Variants in UST observed in about 807,000 individuals in gnomAD.
UST encodes chondroitin sulfate 2-O-sulfotransferase.
Under a neutral mutation model 45.6 loss-of-function variants are expected in UST, and 21 were observed. That is an observed-to-expected ratio of 0.46 (90% CI 0.33 to 0.66). UST has a LOEUF of 0.66. UST is among the 30% of genes least tolerant of loss of function. The pLI is 0.02. For missense variants in UST, 463 were observed against 512.4 expected (o/e 0.90, Z 0.93); for synonymous variants, 215 against 200.6 (o/e 1.07, Z -0.61).
chr6:148,886,172 G>GA (rs1259584002), intron 1 of UST, among the ~76,000 whole-genome samples: 1 of 152,166 alleles, frequency 6.6e-6, no homozygotes. Context: ...ACATGCTCTG[G>GA]AAAAACCAGT....
At chr6:149,055,873 T>G (rs1261944235) in intron 7 of UST, among the ~76,000 whole-genome samples, 1 of 152,196 alleles carries the variant, frequency 6.6e-6, no homozygotes, top group Non-Finnish European at 1.5e-5. Flanking sequence ...CTCACAGCCA[T>G]TGGCCATGAA....
intron 7 of UST, among the ~76,000 whole-genome samples, chr6:149,049,847 C>G (rs1410613745): frequency 6.6e-6 from 1 of 151,540 alleles, no homozygotes; most frequent in Non-Finnish European, 1.5e-5. Flanking sequence ...GGCAACTGTC[C>G]TTTGGATTTC....
chr6:148,954,652 C>G (rs1000628008), intron 4 of UST, among the ~76,000 whole-genome samples: 1 of 152,170 alleles, frequency 6.6e-6, no homozygotes, highest in Non-Finnish European at 1.5e-5. Context: ...CTCTATGATG[C>G]TTGCACAACC....
At chr6:148,826,368 C>A (rs1257751690) in intron 1 of UST, among the ~76,000 whole-genome samples, 2 of 151,986 alleles carry the variant, frequency 1.3e-5, no homozygotes, top group Non-Finnish European at 2.9e-5. Flanking sequence ...CTGCCTCGGC[C>A]TCCCAAAGTG....
At chr6:148,850,128 TGTTTTCAC>T (rs1431552631) in intron 1 of UST, among the ~76,000 whole-genome samples, 2 of 152,206 alleles carry the variant, frequency 1.3e-5, no homozygotes, top group African/African-American at 4.8e-5. Flanking sequence ...ATGAGTGTAG[TGTTTTCAC>T]TTTTTGAAAA....
At chr6:148,759,826 C>T (rs112040391) in intron 1 of UST, among the ~76,000 whole-genome samples, 2,359 of 121,752 alleles carry the variant, frequency 0.019, 64 homozygotes, top group African/African-American at 0.069. Context: ...CCAGCCTGGG[C>T]GACAGAGCGA....
At chr6:148,987,731 A>T (rs1425381490) in intron 5 of UST, among the ~76,000 whole-genome samples, 3 of 152,182 alleles carry the variant, frequency 2.0e-5, no homozygotes, top group Non-Finnish European at 4.4e-5. Flanking sequence ...TGACAGGCAC[A>T]TTTTCCACCA....
At chr6:149,073,395 T>G (rs1470763698) in intron 7 of UST, among the ~76,000 whole-genome samples, 5 of 152,260 alleles carry the variant, frequency 3.3e-5, no homozygotes, top group African/African-American at 4.8e-5. Flanking sequence ...TTGTATCAAA[T>G]TAAACTTTAT....
chr6:148,789,690 G>A (rs531921659), intron 1 of UST, among the ~76,000 whole-genome samples: 9 of 151,740 alleles, frequency 5.9e-5, no homozygotes, highest in East Asian at 3.9e-4. Flanking sequence ...TCAGAATTAC[G>A]GAGGCTGAAT....
intron 5 of UST, among the ~76,000 whole-genome samples, chr6:148,966,807 GCT>G (rs1780810855): frequency 6.6e-6 from 1 of 152,236 alleles, no homozygotes; most frequent in Non-Finnish European, 1.5e-5. Context: ...CAAGATCTCT[GCT>G]CACTGCAACC....
chr6:148,953,705 GAGCTT>G (rs1780416522), intron 3 of UST, among the ~76,000 whole-genome samples, 162 bp from the exon 4 acceptor site: 1 of 150,352 alleles, frequency 6.7e-6, no homozygotes, highest in Admixed American at 6.6e-5. Flanking sequence ...CCGGGAGGCG[GAGCTT>G]GCAGTGAACC....
chr6:149,048,177 T>G (rs1191648062), intron 7 of UST, among the ~76,000 whole-genome samples: 1 of 152,036 alleles, frequency 6.6e-6, no homozygotes, highest in East Asian at 1.9e-4. Context: ...TATAGTTGAC[T>G]GTTTTTTGGG....
At chr6:148,769,197 G>C (rs942033079) in intron 1 of UST, among the ~76,000 whole-genome samples, 1 of 152,234 alleles carries the variant, frequency 6.6e-6, no homozygotes, top group African/African-American at 2.4e-5. Flanking sequence ...GGTATCTCAG[G>C]AACACAGACA....
chr6:148,786,190 A>G (rs1001632246), intron 1 of UST, among the ~76,000 whole-genome samples: 1 of 151,998 alleles, frequency 6.6e-6, no homozygotes, highest in African/African-American at 2.4e-5. Flanking sequence ...TTTACTTTAG[A>G]TAAAAGGGTT....
At chr6:148,895,086 G>C (rs1582882944) in intron 2 of UST, among the ~76,000 whole-genome samples, 1 of 152,068 alleles carries the variant, frequency 6.6e-6, no homozygotes, top group Non-Finnish European at 1.5e-5. Flanking sequence ...AAACTGCTGG[G>C]ATTACAGGCA....
intron 1 of UST, among the ~76,000 whole-genome samples, chr6:148,763,444 TC>T (rs1414533130): frequency 1.3e-5 from 2 of 152,186 alleles, no homozygotes; most frequent in Non-Finnish European, 2.9e-5. Flanking sequence ...AAATATTTTC[TC>T]CCTTTCTGCA....
At position 148,747,686 on chromosome 6, in the gene UST, G is replaced by GTA. The variant is rs778483190; in HGVS notation, c.247+9_247+10insTA. 6.3e-7 allele frequency: 1 copy of GTA among 1,590,054 alleles called. No homozygotes were observed. Among genetic ancestry groups the GTA allele is most frequent in the Admixed American group, 1.7e-5 (1 of 57,460 alleles). The stretch of plus-strand genomic sequence containing the variant: ...CCTGCGGCAGTACTTGGGTAAGGAA[G>GTA]CTGGGCAGGCGCTAGGGCGGCGCCG... On this transcript the variant is annotated intron_variant, in intron 1 of 7. Coordinates refer to ENST00000367463, the MANE Select transcript of UST (RefSeq NM_005715.3).
chr6:149,066,837 G>A (rs1016645342), intron 7 of UST, among the ~76,000 whole-genome samples: 2 of 152,134 alleles, frequency 1.3e-5, no homozygotes, highest in Admixed American at 1.3e-4. Context: ...ATACTCAGGA[G>A]GTTGAGGGGA....
At chr6:148,887,650 T>C (rs1163195499) in intron 2 of UST, among the ~76,000 whole-genome samples, 2 of 152,242 alleles carry the variant, frequency 1.3e-5, no homozygotes, top group Non-Finnish European at 2.9e-5. Context: ...AAATTGATCA[T>C]TGTATATAAG....
Sources: gnomAD v4.1 joint callset for allele counts (sites outside exome capture counted in the v4.1 genomes callset) on GRCh38, gnomAD v4.1.1 for gene constraint, MANE v1.5 for transcripts, NCBI Gene and HGNC (gene_info 2026-07-23, HGNC 2026-07-21) for gene names.